The following ACOXL variants were observed in gnomAD, a reference collection of about 807,000 sequenced individuals.
The protein encoded by ACOXL is acyl-coenzyme A oxidase-like protein.
A neutral mutation model predicts 71.9 loss-of-function variants in ACOXL; 70 were observed. The ratio of observed to expected loss-of-function variants is 0.97; its 90% CI spans 0.80 to 1.19. The LOEUF is 1.19. Ranked by LOEUF, ACOXL falls within the 50% of genes most tolerant of loss-of-function variation. The pLI, the probability that ACOXL is intolerant of heterozygous loss-of-function variation, is 0.00. For synonymous variants in ACOXL, 253 were observed against 281.6 expected, an observed-to-expected ratio of 0.90 and a Z score of 1.02; for missense variants, 703 against 736.3, an observed-to-expected ratio of 0.95 and a Z score of 0.52.
chr2:110,887,907 G>GTT (rs1697492954), intron 10 of ACOXL: 1 of 152,030 alleles, frequency 6.6e-6, no homozygotes, highest in South Asian at 2.1e-4. Flanking sequence ...GACATTGGAG[G>GTT]GCGTCTGTTT....
At chr2:110,838,718 G>C (rs1321345410) in intron 9 of ACOXL, among the ~76,000 whole-genome samples, 1 of 152,216 alleles carries the variant, frequency 6.6e-6, no homozygotes, top group Non-Finnish European at 1.5e-5. Context: ...TCCAGCCTTT[G>C]TTCAGGCCTT....
intron 9 of ACOXL, among the ~76,000 whole-genome samples, chr2:110,836,647 A>G (rs1481344994): frequency 6.6e-6 from 1 of 152,184 alleles, no homozygotes; most frequent in South Asian, 2.1e-4. Flanking sequence ...TGAAAAGGGG[A>G]CAGGAACAGT....
At chr2:110,807,288 T>C (rs560864293) in intron 9 of ACOXL, among the ~76,000 whole-genome samples, 1 of 152,254 alleles carries the variant, frequency 6.6e-6, no homozygotes, top group Admixed American at 6.5e-5. Flanking sequence ...CTTAGGATGG[T>C]GGTGAGCCAT....
At chr2:110,861,299 A>T (rs1468010016) in intron 10 of ACOXL, among the ~76,000 whole-genome samples, 1 of 152,210 alleles carries the variant, frequency 6.6e-6, no homozygotes, top group African/African-American at 2.4e-5. Context: ...TCATTAAAAA[A>T]AATACCAAAA....
intron 10 of ACOXL, among the ~76,000 whole-genome samples, chr2:110,885,612 C>T (rs1697183817): frequency 6.6e-6 from 1 of 152,128 alleles, no homozygotes; most frequent in African/African-American, 2.4e-5. Context: ...AAATTCGACT[C>T]CACGAAAGCC....
chr2:111,055,022 C>T (rs1237920553), intron 16 of ACOXL, among the ~76,000 whole-genome samples: 1 of 152,214 alleles, frequency 6.6e-6, no homozygotes, highest in Non-Finnish European at 1.5e-5. Context: ...TCTAATGTTT[C>T]TTAAATTGTC....
chr2:111,018,299 G>A (rs1015840130), intron 14 of ACOXL, among the ~76,000 whole-genome samples: 6 of 152,168 alleles, frequency 3.9e-5, no homozygotes, highest in Admixed American at 2.0e-4. Flanking sequence ...TAGGATAGCC[G>A]TGAGACTGGA....
chr2:111,030,513 G>A (rs1036484651), intron 14 of ACOXL, among the ~76,000 whole-genome samples: 1 of 152,184 alleles, frequency 6.6e-6, no homozygotes, highest in Non-Finnish European at 1.5e-5. Context: ...ATTATACATG[G>A]GTAGAGGCTT....
At chr2:111,049,755 T>C (rs1288083726) in intron 16 of ACOXL, among the ~76,000 whole-genome samples, 1 of 152,194 alleles carries the variant, frequency 6.6e-6, no homozygotes, top group African/African-American at 2.4e-5. Context: ...TCTTATGTCA[T>C]AGATTCCTTG....
At chr2:110,877,284 G>A (rs1004323096) in intron 10 of ACOXL, among the ~76,000 whole-genome samples, 1 of 152,172 alleles carries the variant, frequency 6.6e-6, no homozygotes, top group African/African-American at 2.4e-5. Flanking sequence ...TCTTCTGCCT[G>A]CCCTCTGCTC....
intron 10 of ACOXL, among the ~76,000 whole-genome samples, chr2:110,888,225 T>C (rs1012481246): frequency 6.6e-6 from 1 of 152,162 alleles, no homozygotes; most frequent in Non-Finnish European, 1.5e-5. Flanking sequence ...ATTACCCCAG[T>C]ATGGAACTGG....
intron 12 of ACOXL, among the ~76,000 whole-genome samples, chr2:110,948,853 A>G (rs904057745): frequency 2.0e-5 from 3 of 151,760 alleles, no homozygotes; most frequent in African/African-American, 7.3e-5. Flanking sequence ...GCGAGCAGAG[A>G]CAGTCATTCG....
At chr2:110,875,117 T>G (rs1458725792) in intron 10 of ACOXL, among the ~76,000 whole-genome samples, 2 of 152,198 alleles carry the variant, frequency 1.3e-5, no homozygotes, top group Non-Finnish European at 2.9e-5. Flanking sequence ...CGCAGGCCAA[T>G]GACGCAGCAC....
chr2:110,916,683 A>G (rs2059873105), intron 11 of ACOXL, among the ~76,000 whole-genome samples: 1 of 152,172 alleles, frequency 6.6e-6, no homozygotes. Flanking sequence ...AAAGAAGAAA[A>G]GAAAAGAATC....
chr2:111,110,526 A>G (rs2069871224), intron 17 of ACOXL, among the ~76,000 whole-genome samples: 1 of 152,154 alleles, frequency 6.6e-6, no homozygotes, highest in South Asian at 2.1e-4. Context: ...TCGCTAGGCC[A>G]AGTGTTTGTT....
At chr2:110,924,781 C>G (rs903731104) in intron 11 of ACOXL, among the ~76,000 whole-genome samples, 2 of 117,074 alleles carry the variant, frequency 1.7e-5, no homozygotes, top group Non-Finnish European at 3.9e-5. Flanking sequence ...TTGACCTCCT[C>G]CCATGAATCA....
At chr2:111,056,736 C>T (rs1033470290) in intron 16 of ACOXL, among the ~76,000 whole-genome samples, 3 of 144,670 alleles carry the variant, frequency 2.1e-5, no homozygotes, top group South Asian at 2.2e-4. Context: ...TGCAGTGAGC[C>T]GAGATCGCAC....
intron 10 of ACOXL, among the ~76,000 whole-genome samples, chr2:110,866,970 A>G (rs904662827): frequency 6.6e-6 from 1 of 152,200 alleles, no homozygotes; most frequent in East Asian, 1.9e-4. Flanking sequence ...GCCAGGGTGC[A>G]AGGGGCCACA....
chr2:110,801,219 C>A (rs899536791), intron 7 of ACOXL, among the ~76,000 whole-genome samples: 1 of 152,148 alleles, frequency 6.6e-6, no homozygotes, highest in Admixed American at 6.5e-5. Flanking sequence ...TGTGTGCAGA[C>A]GAGAGAGCAC....
Sources: allele counts gnomAD v4.1 joint callset (sites outside exome capture counted in the v4.1 genomes callset), GRCh38; gene constraint gnomAD v4.1.1; transcripts MANE v1.5; gene names NCBI Gene and HGNC (gene_info 2026-07-23, HGNC 2026-07-21).